LRBA: variants seen among roughly 807,000 people sequenced by gnomAD.
LRBA encodes lipopolysaccharide-responsive and beige-like anchor protein.
Under a neutral mutation model 330.0 loss-of-function variants are expected in LRBA, and 176 were observed. That is an observed-to-expected ratio of 0.53 (90% CI 0.47 to 0.60). The LOEUF (loss-of-function observed/expected upper bound fraction) is 0.60, where lower values mean the gene tolerates loss of function less well. LRBA is among the 20% of genes least tolerant of loss of function. The pLI is 0.00. For missense variants in LRBA, 3,259 were observed against 3,444.8 expected (o/e 0.95, Z 1.35); for synonymous variants, 1,230 against 1,193.0 (o/e 1.03, Z -0.64).
chr4:150,537,711 G>A (rs1764818254), intron 40 of LRBA, among the ~76,000 whole-genome samples: 1 of 152,196 alleles, frequency 6.6e-6, no homozygotes, highest in Admixed American at 6.5e-5. Flanking sequence ...AGCACTTTGG[G>A]AGGCTAAGGC....
At chr4:150,288,399 C>T (rs1024503852) in intron 53 of LRBA, among the ~76,000 whole-genome samples, 2 of 151,994 alleles carry the variant, frequency 1.3e-5, no homozygotes, top group South Asian at 2.1e-4. Context: ...CCTGAGGTTA[C>T]GAGTTAGAGA....
At chr4:150,602,736 C>T (rs911539725) in intron 37 of LRBA, among the ~76,000 whole-genome samples, 2 of 152,184 alleles carry the variant, frequency 1.3e-5, no homozygotes, top group African/African-American at 4.8e-5. Flanking sequence ...AAAGAGGATA[C>T]AAAATTGGCA....
intron 22 of LRBA, among the ~76,000 whole-genome samples, chr4:150,853,574 T>C (rs1750875166): frequency 6.6e-6 from 1 of 152,198 alleles, no homozygotes; most frequent in Admixed American, 6.5e-5. Flanking sequence ...CATACATCCA[T>C]TCATTCCATT....
intron 11 of LRBA, 129 bp downstream of exon 11, chr4:150,908,205 A>G (rs1234859859): frequency 8.3e-6 from 7 of 844,224 alleles, no homozygotes; most frequent in Non-Finnish European, 1.3e-5. Flanking sequence ...TGGACTTGTA[A>G]TACAGTTTAT....
intron 51 of LRBA, among the ~76,000 whole-genome samples, chr4:150,312,797 G>A (rs1731231147): frequency 2.0e-5 from 3 of 152,162 alleles, no homozygotes; most frequent in African/African-American, 7.2e-5. Context: ...TGCCACTAAT[G>A]CAGAGAGTTC....
At chr4:150,705,006 A>G (rs1785478957) in intron 36 of LRBA, among the ~76,000 whole-genome samples, 1 of 152,232 alleles carries the variant, frequency 6.6e-6, no homozygotes, top group Non-Finnish European at 1.5e-5. Context: ...TGCTGGTTAC[A>G]TAAAAAAATG....
At chr4:150,414,775 G>A (rs947348550) in intron 47 of LRBA, among the ~76,000 whole-genome samples, 15 of 152,292 alleles carry the variant, frequency 9.8e-5, no homozygotes, top group Admixed American at 3.3e-4. Context: ...ACAGGTGCGA[G>A]CCACCGCACC....
rs193291327 is a variant in LRBA, at chr4:150,926,943, C to T, written c.549+1573G>A. 1.3e-4 allele frequency among the ~76,000 whole-genome samples: 20 copies of T among 151,648 alleles called. 1 individual carries two copies. In the East Asian group the frequency reaches 3.7e-3, roughly 28 times the overall value. ...AAAGTTAGCCAGGCGTGGTGGTGTGCGCCTGTAATCCCAGCAACTCAGGAG... is the reference window on the plus strand; with the variant it reads ...AAAGTTAGCCAGGCGTGGTGGTGTGTGCCTGTAATCCCAGCAACTCAGGAG... On this transcript the variant is annotated intron_variant, in intron 4 of 56. Coordinates refer to ENST00000651943, the MANE Select transcript of LRBA (RefSeq NM_001364905.1).
At chr4:150,443,831 G>C (rs1752172136) in intron 44 of LRBA, among the ~76,000 whole-genome samples, 1 of 104,556 alleles carries the variant, frequency 9.6e-6, no homozygotes, top group African/African-American at 3.3e-5. Flanking sequence ...ATGTATCCTA[G>C]AACTTAAAGT....
At chr4:150,896,785 A>AT (rs1477434227) in intron 15 of LRBA, among the ~76,000 whole-genome samples, 1 of 152,062 alleles carries the variant, frequency 6.6e-6, no homozygotes, top group Non-Finnish European at 1.5e-5. Flanking sequence ...ACTCCTCTAA[A>AT]TACAGAAGAC....
Position 150,567,500 on chromosome 4 carries a change from T to C in LRBA, c.6330+20548A>G, listed in dbSNP as rs1170731626. 5.9e-5 allele frequency among the ~76,000 whole-genome samples: 9 copies of C among 152,246 alleles called. No homozygotes were observed. The East Asian group carries it at 1.7e-3, about 29-fold the overall frequency. On this transcript the variant is annotated intron_variant, in intron 40 of 56. Transcript: ENST00000651943. ...TGATGGGATACCAGTAAAAATCTGATGGCTTTAAAATAAACTGCCAACATC... is the reference window on the plus strand; with the variant it reads ...TGATGGGATACCAGTAAAAATCTGACGGCTTTAAAATAAACTGCCAACATC...
chr4:150,432,098 C>G (rs1439263802), intron 46 of LRBA, among the ~76,000 whole-genome samples: 1 of 151,970 alleles, frequency 6.6e-6, no homozygotes, highest in Non-Finnish European at 1.5e-5. Context: ...AATTAAGTTA[C>G]CAGAAATGTG....
intron 37 of LRBA, among the ~76,000 whole-genome samples, chr4:150,604,144 A>G (rs962534889): frequency 3.9e-5 from 6 of 152,092 alleles, no homozygotes. Context: ...CACTGTGGCT[A>G]ATGCCTGTAA....
rs916621683 is a variant in LRBA, at chr4:150,735,190, G to A, written c.5754+68C>T. On this transcript the variant is annotated intron_variant, in intron 36 of 56. Coordinates refer to ENST00000651943, the MANE Select transcript of LRBA (RefSeq NM_001364905.1). ...GTTTCTTTGGACCTGCCATTTTACCGGGACAATTTCTCATGATTATCATTA... is the reference window on the plus strand; with the variant it reads ...GTTTCTTTGGACCTGCCATTTTACCAGGACAATTTCTCATGATTATCATTA... 5.2e-5 allele frequency: 61 copies of A among 1,162,194 alleles called. 1 individual carries two copies. The highest frequency in any genetic ancestry group is 3.1e-4 in the Admixed American group (18 of 57,628). 72.0% of individuals were successfully genotyped at this position (1,162,194 alleles called of 1,614,324 possible).
intron 2 of LRBA, among the ~76,000 whole-genome samples, chr4:150,988,946 TG>T (rs1007397331): frequency 5.3e-5 from 8 of 151,134 alleles, no homozygotes; most frequent in South Asian, 2.1e-4. Context: ...AAATTGGGGG[TG>T]GGGGGGACAC....
At chr4:150,343,374 A>T in intron 48 of LRBA, among the ~76,000 whole-genome samples, 1 of 152,224 alleles carries the variant, frequency 6.6e-6, no homozygotes, top group East Asian at 1.9e-4. Flanking sequence ...TTGAAATTAC[A>T]GTCTTTAAAT....
intron 38 of LRBA, among the ~76,000 whole-genome samples, chr4:150,594,241 A>G (rs879635555): frequency 1.3e-5 from 2 of 151,996 alleles, no homozygotes; most frequent in Non-Finnish European, 2.9e-5. Context: ...AATTACCAAC[A>G]GTACTCTAAT....
At chr4:150,898,769 T>C (rs1487082263) in intron 14 of LRBA, among the ~76,000 whole-genome samples, 2 of 152,000 alleles carry the variant, frequency 1.3e-5, no homozygotes. Flanking sequence ...AATACAAAAC[T>C]AGCACCTAGG....
At chr4:150,851,481 A>C (rs926723112) in intron 23 of LRBA, among the ~76,000 whole-genome samples, 2 of 152,230 alleles carry the variant, frequency 1.3e-5, no homozygotes, top group African/African-American at 2.4e-5. Context: ...TCATAATACA[A>C]TTTTAAATCA....
Sources: gnomAD v4.1 joint callset for allele counts (sites outside exome capture counted in the v4.1 genomes callset) on GRCh38, gnomAD v4.1.1 for gene constraint, MANE v1.5 for transcripts, NCBI Gene and HGNC (gene_info 2026-07-23, HGNC 2026-07-21) for gene names.